Variants in SAE1 observed in about 807,000 individuals in gnomAD.
SAE1 encodes SUMO1 activating enzyme subunit 1, also known as SUMO-activating enzyme subunit 1.
Under a neutral mutation model 40.6 loss-of-function variants are expected in SAE1, and 11 were observed. The observed-to-expected ratio is 0.27, with a 90% CI of 0.17 to 0.45. SAE1 has a LOEUF of 0.45. Ranked by LOEUF, SAE1 falls within the 20% of genes least tolerant of loss-of-function variation. The pLI, the probability that SAE1 is intolerant of heterozygous loss-of-function variation, is 1.00. For missense variants in SAE1, 373 were observed against 427.3 expected (o/e 0.87, Z 1.12); for synonymous variants, 155 against 154.3 (o/e 1.00, Z -0.03).
chr19:47,177,154 A>C (rs1416409011), intron 6 of SAE1, among the ~76,000 whole-genome samples: 1 of 152,256 alleles, frequency 6.6e-6, no homozygotes, highest in East Asian at 1.9e-4. Context: ...TTTGAGCCAC[A>C]GAATTGAAGC....
chr19:47,131,900 C>T (rs991234149), intron 1 of SAE1, among the ~76,000 whole-genome samples: 3 of 151,656 alleles, frequency 2.0e-5, no homozygotes, highest in Non-Finnish European at 2.9e-5. Context: ...GGGGTTTCGC[C>T]ATATTGACGA....
At chr19:47,143,444 C>T (rs2058234697) in intron 1 of SAE1, 50 bp from the exon 2 acceptor site, 2 of 1,447,338 alleles carry the variant, frequency 1.4e-6, no homozygotes, top group Non-Finnish European at 9.7e-7. Context: ...TTCTGTGATT[C>T]TGCAAGCTCA....
At chr19:47,166,071 C>T (rs936663358) in intron 5 of SAE1, among the ~76,000 whole-genome samples, 4 of 152,190 alleles carry the variant, frequency 2.6e-5, no homozygotes, top group African/African-American at 9.6e-5. Context: ...CTGAAATCTC[C>T]TGCCCAGACA....
intron 6 of SAE1, among the ~76,000 whole-genome samples, chr19:47,179,679 G>A (rs2058494376): frequency 6.6e-6 from 1 of 151,938 alleles, no homozygotes; most frequent in Admixed American, 6.6e-5. Flanking sequence ...CAAGTAGCTG[G>A]GATTATAGGC....
intron 8 of SAE1, among the ~76,000 whole-genome samples, chr19:47,204,187 CTTTTTTT>C (rs57736880): frequency 2.4e-5 from 2 of 82,100 alleles, no homozygotes; most frequent in African/African-American, 5.8e-5. Flanking sequence ...AAAGCCCTCC[CTTTTTTT>C]TTTTTTTTTT....
intron 5 of SAE1, among the ~76,000 whole-genome samples, chr19:47,163,066 G>C (rs1401402307): frequency 6.6e-6 from 1 of 152,016 alleles, no homozygotes; most frequent in African/African-American, 2.4e-5. Context: ...TTAATGAAAT[G>C]TTAATCCTAC....
intron 6 of SAE1, among the ~76,000 whole-genome samples, chr19:47,195,632 A>C (rs1414475789): frequency 6.9e-6 from 1 of 144,068 alleles, no homozygotes; most frequent in African/African-American, 2.6e-5. Context: ...TGTACCTCCC[A>C]CTCCTTATCA....
At chr19:47,163,220 T>A (rs922497506) in intron 5 of SAE1, among the ~76,000 whole-genome samples, 3 of 148,790 alleles carry the variant, frequency 2.0e-5, no homozygotes, top group African/African-American at 7.5e-5. Flanking sequence ...CAACTGTGGA[T>A]CAAAAATCTT....
intron 6 of SAE1, among the ~76,000 whole-genome samples, chr19:47,195,196 A>G (rs1377536370): frequency 6.6e-6 from 1 of 151,420 alleles, no homozygotes; most frequent in Non-Finnish European, 1.5e-5. Context: ...GTGGGACTAC[A>G]GGTGCCTGCC....
In SAE1 at chr19:47,142,840, G is replaced by A. The variant is rs376915464; in HGVS notation, c.99-654G>A. Among the ~76,000 whole-genome samples the A allele has an allele frequency of 3.8e-4, 58 of 152,178 alleles. No individual in the cohort carries two copies. The East Asian group carries it at 9.6e-3, about 25-fold the overall frequency. On this transcript the variant is annotated intron_variant, in intron 1 of 8. Transcript: ENST00000270225. Reference sequence around the variant, plus strand: ...TTGTATGATTTCTGTCTCAAATAGCGTTCTCCATCATTCTTGATTCTTGTC... The same window carrying A: ...TTGTATGATTTCTGTCTCAAATAGCATTCTCCATCATTCTTGATTCTTGTC...
intron 5 of SAE1, among the ~76,000 whole-genome samples, chr19:47,163,866 T>A (rs1289532185): frequency 6.6e-6 from 1 of 151,536 alleles, no homozygotes; most frequent in East Asian, 2.0e-4. Context: ...GTCTCCCAGG[T>A]TCAAGTGATC....
At chr19:47,163,121 A>G (rs575689207) in intron 5 of SAE1, among the ~76,000 whole-genome samples, 1 of 152,126 alleles carries the variant, frequency 6.6e-6, no homozygotes, top group Non-Finnish European at 1.5e-5. Flanking sequence ...TTTTCTATGT[A>G]TATACAACAA....
intron 2 of SAE1, among the ~76,000 whole-genome samples, chr19:47,148,724 C>G (rs1376469147): frequency 1.3e-5 from 2 of 151,532 alleles, no homozygotes; most frequent in African/African-American, 4.8e-5. Context: ...AAGCGATTCT[C>G]CTGCCTCAGC....
chr19:47,137,756 T>G (rs2058191139), intron 1 of SAE1, among the ~76,000 whole-genome samples: 1 of 145,692 alleles, frequency 6.9e-6, no homozygotes, highest in Admixed American at 7.0e-5. Flanking sequence ...TGTGATGGAC[T>G]CTCACTCTGT....
At chr19:47,153,130 C>G in intron 4 of SAE1, 90 bp downstream of exon 4, 1 of 1,173,240 alleles carries the variant, frequency 8.5e-7, no homozygotes, top group Non-Finnish European at 1.2e-6. Flanking sequence ...TGTGTAGAGA[C>G]AGGATCTATG....
intron 6 of SAE1, among the ~76,000 whole-genome samples, chr19:47,191,570 C>T (rs894384419): frequency 6.6e-6 from 1 of 152,186 alleles, no homozygotes; most frequent in African/African-American, 2.4e-5. Context: ...CACGTGGAAA[C>T]TGAGGCTGCC....
intron 5 of SAE1, among the ~76,000 whole-genome samples, chr19:47,166,343 C>A (rs953416282): frequency 3.3e-5 from 5 of 152,126 alleles, no homozygotes; most frequent in African/African-American, 1.2e-4. Context: ...GTGAAAATTT[C>A]AAATTTGATC....
chr19:47,141,369 T>C (rs551506937), intron 1 of SAE1, among the ~76,000 whole-genome samples: 1 of 151,982 alleles, frequency 6.6e-6, no homozygotes, highest in African/African-American at 2.4e-5. Context: ...CTCGAACTCC[T>C]GACCTCAGGT....
chr19:47,196,063 C>A (rs1432803454), intron 6 of SAE1, among the ~76,000 whole-genome samples: 4 of 144,210 alleles, frequency 2.8e-5, no homozygotes, highest in Non-Finnish European at 6.1e-5. Context: ...TTTTTTTTTC[C>A]CAGACGGAGT....
Sources: gnomAD v4.1 joint callset for allele counts (sites outside exome capture counted in the v4.1 genomes callset) on GRCh38, gnomAD v4.1.1 for gene constraint, MANE v1.5 for transcripts, NCBI Gene and HGNC (gene_info 2026-07-23, HGNC 2026-07-21) for gene names.